The following RDX variants were observed in gnomAD, a reference collection of about 807,000 sequenced individuals.
The protein encoded by RDX is deafness, autosomal recessive 24.
A neutral mutation model predicts 83.7 loss-of-function variants in RDX; 32 were observed. That is an observed-to-expected ratio of 0.38 (90% CI 0.29 to 0.51). The LOEUF (loss-of-function observed/expected upper bound fraction) is 0.51. RDX is among the 20% of genes least tolerant of loss of function. The pLI is 0.87. For missense variants in RDX, 600 were observed against 689.9 expected (o/e 0.87, Z 1.46); for synonymous variants, 229 against 222.7 (o/e 1.03, Z -0.25).
At chr11:110,217,679 G>C (rs1485832634) in intron 14 of RDX, among the ~76,000 whole-genome samples, 1 of 152,206 alleles carries the variant, frequency 6.6e-6, no homozygotes, top group Non-Finnish European at 1.5e-5. Flanking sequence ...ACTCCTCTGT[G>C]AATCAGCATC....
chr11:110,269,679 C>T (rs528176541), intron 3 of RDX, among the ~76,000 whole-genome samples: 47 of 152,278 alleles, frequency 3.1e-4, no homozygotes, highest in Non-Finnish European at 6.0e-4. Flanking sequence ...TCAAGGAAAG[C>T]AGTCAGGAAA....
intron 15 of RDX, among the ~76,000 whole-genome samples, chr11:110,195,156 G>A (rs1322362624): frequency 1.3e-5 from 2 of 151,860 alleles, no homozygotes; most frequent in African/African-American, 2.4e-5. Context: ...ATGCCCAGGG[G>A]GGTTTCACCA....
chr11:110,287,559 T>C (rs1861035352), intron 1 of RDX, among the ~76,000 whole-genome samples: 1 of 152,124 alleles, frequency 6.6e-6, no homozygotes. Flanking sequence ...TTTATGGCAA[T>C]AATAATGCAC....
Position 110,201,378 on chromosome 11 carries a change from A to T in RDX, c.1749-1700T>A, listed in dbSNP as rs189159859. 6.3e-3 allele frequency among the ~76,000 whole-genome samples: 952 copies of T among 152,230 alleles called. 18 individuals are homozygous for T. Among genetic ancestry groups the T allele is most frequent in the African/African-American group, 0.02 (838 of 41,538 alleles). Reference sequence around the variant, plus strand: ...GAGAAAATTTAGGAGAGCATGAGAAAGGAGGATTTGGGAGTAAAGTTAATA... The same window carrying T: ...GAGAAAATTTAGGAGAGCATGAGAATGGAGGATTTGGGAGTAAAGTTAATA... On this transcript the variant is annotated intron_variant, in intron 14 of 15. Transcript: ENST00000528498.
In RDX at chr11:110,264,236, T is replaced by G; in HGVS notation, c.193-2A>C. The G allele has an allele frequency of 6.3e-7, 1 of 1,592,016 alleles. No homozygotes were observed. The highest frequency in any genetic ancestry group is 8.6e-7 in the Non-Finnish European group (1 of 1,168,286). On this transcript the variant is annotated splice_acceptor_variant, in intron 4 of 13. Coordinates refer to ENST00000645495, the MANE Select transcript of RDX (RefSeq NM_002906.4). LOFTEE classifies it high-confidence loss of function. ...TTTTTTAACATCCTGCTGTGTTACC[T>G]GGAAAAATAATTTCAAGTATAATCA...
chr11:110,198,295 A>C (rs1193282306), intron 15 of RDX, among the ~76,000 whole-genome samples: 1 of 151,938 alleles, frequency 6.6e-6, no homozygotes. Context: ...AAAAAAAAAA[A>C]GAATTTAAAA....
intron 14 of RDX, among the ~76,000 whole-genome samples, chr11:110,223,644 T>C (rs935069942): frequency 2.6e-5 from 4 of 152,120 alleles, no homozygotes; most frequent in African/African-American, 9.7e-5. Flanking sequence ...AATTGAGAAC[T>C]AGATTGTATT....
chr11:110,199,742 T>C (rs539226251), intron 14 of RDX: 1 of 702,708 alleles, frequency 1.4e-6, no homozygotes, highest in South Asian at 1.5e-5. Context: ...GGAAGCTGAA[T>C]GGGCAGGCTG....
chr11:110,274,706 A>T (rs1010951870), intron 2 of RDX, among the ~76,000 whole-genome samples: 2 of 152,128 alleles, frequency 1.3e-5, no homozygotes, highest in Admixed American at 1.3e-4. Context: ...AAATTGCACT[A>T]TACTAGTTTA....
intron 11 of RDX, among the ~76,000 whole-genome samples, chr11:110,237,026 T>A (rs1195614685): frequency 1.3e-5 from 2 of 151,724 alleles, no homozygotes; most frequent in East Asian, 3.9e-4. Context: ...ATCTTTTAAG[T>A]GACACGCTTA....
At chr11:110,250,545 G>A (rs114971269) in intron 9 of RDX, among the ~76,000 whole-genome samples, 1 of 152,202 alleles carries the variant, frequency 6.6e-6, no homozygotes, top group African/African-American at 2.4e-5. Context: ...CCCAGCTCTG[G>A]CATATATGGC....
chr11:110,290,032 C>A (rs1381365052), intron 1 of RDX, among the ~76,000 whole-genome samples: 2 of 147,946 alleles, frequency 1.4e-5, no homozygotes, highest in South Asian at 4.2e-4. Flanking sequence ...CATGTACTCA[C>A]CAGGATTTTT....
intron 3 of RDX, among the ~76,000 whole-genome samples, chr11:110,271,293 T>C (rs950491455): frequency 6.6e-6 from 1 of 152,216 alleles, no homozygotes; most frequent in Non-Finnish European, 1.5e-5. Context: ...AAGTATCTAG[T>C]GTTACTTACT....
chr11:110,203,971 A>G (rs2169438), intron 14 of RDX, among the ~76,000 whole-genome samples: 74,878 of 151,860 alleles, frequency 0.49, 19,654 homozygotes, highest in African/African-American at 0.68. Context: ...GAGCCTGGGA[A>G]ATGGAGGGTG....
At chr11:110,273,511 G>A (rs778720727) in intron 2 of RDX, among the ~76,000 whole-genome samples, 4 of 151,976 alleles carry the variant, frequency 2.6e-5, no homozygotes, top group South Asian at 2.1e-4. Flanking sequence ...TCTCCTGGAC[G>A]CAAACCTATA....
chr11:110,267,738 A>C (rs1860116395), intron 3 of RDX, among the ~76,000 whole-genome samples: 1 of 151,948 alleles, frequency 6.6e-6, no homozygotes, highest in Non-Finnish European at 1.5e-5. Context: ...CCAAGGCAGG[A>C]GGAGCTCAGG....
intron 2 of RDX, among the ~76,000 whole-genome samples, chr11:110,276,959 T>C (rs963509536): frequency 3.3e-5 from 5 of 152,220 alleles, no homozygotes; most frequent in African/African-American, 1.2e-4. Flanking sequence ...GGTGATGCCA[T>C]AGACCTTGAT....
chr11:110,209,592 G>T lies in RDX; in HGVS notation c.1749-9914C>A, dbSNP rs547488119. ...TCTGCAGACTTAAATGTCCCTGTCT[G>T]ACAGCTTTGAAGAGAGCAGTGGTTC... On this transcript the variant is annotated intron_variant, in intron 14 of 15. Coordinates refer to the RDX transcript ENST00000528498. 5.8e-3 allele frequency among the ~76,000 whole-genome samples: 876 copies of T among 151,386 alleles called. 6 individuals are homozygous for T. Among genetic ancestry groups the T allele is most frequent in the African/African-American group, 0.02 (838 of 41,324 alleles).
intron 1 of RDX, among the ~76,000 whole-genome samples, chr11:110,286,693 G>T (rs1168318866): frequency 6.6e-6 from 1 of 151,898 alleles, no homozygotes; most frequent in African/African-American, 2.4e-5. Context: ...ACATAATTGT[G>T]GTCTCTCCAG....
Sources: gnomAD v4.1 joint callset for allele counts (sites outside exome capture counted in the v4.1 genomes callset) on GRCh38, gnomAD v4.1.1 for gene constraint, MANE v1.5 for transcripts, NCBI Gene and HGNC (gene_info 2026-07-23, HGNC 2026-07-21) for gene names.